SLC71A2: variants seen among roughly 807,000 people sequenced by gnomAD.
SLC71A2 encodes solute carrier family 71 member 2.
At chr9:94,386,200 T>C in the SLC71A2 span, among the ~76,000 whole-genome samples, 1 of 151,784 alleles carries the variant, frequency 6.6e-6, no homozygotes, top group African/African-American at 2.4e-5. Context: ...TTTAGGTATT[T>C]TTTTTTCTTT....
At chr9:94,454,524 G>A in the SLC71A2 span, among the ~76,000 whole-genome samples, 3 of 146,258 alleles carry the variant, frequency 2.1e-5, no homozygotes, top group East Asian at 2.0e-4. Context: ...TTCACCACAC[G>A]CCCGGCTAAT....
chr9:94,425,341 A>C, the SLC71A2 span, among the ~76,000 whole-genome samples: 51 of 152,248 alleles, frequency 3.3e-4, 1 homozygote, highest in African/African-American at 1.2e-3. Flanking sequence ...GTTCTTTCCC[A>C]ATTATTCTGT....
the SLC71A2 span, among the ~76,000 whole-genome samples, chr9:94,386,817 T>C: frequency 6.6e-6 from 1 of 152,238 alleles, no homozygotes; most frequent in Non-Finnish European, 1.5e-5. Flanking sequence ...GTGTCTTGGT[T>C]GTATAAAGCA....
At chr9:94,455,169 T>TTTTTTTTG in the SLC71A2 span, among the ~76,000 whole-genome samples, 1 of 100,790 alleles carries the variant, frequency 9.9e-6, no homozygotes, top group Non-Finnish European at 1.9e-5. Context: ...TTTTTTTTTT[T>TTTTTTTTG]TTTTTTTTTT....
chr9:94,439,022 G>GTTT, the SLC71A2 span, among the ~76,000 whole-genome samples: 10 of 115,684 alleles, frequency 8.6e-5, no homozygotes, highest in African/African-American at 2.3e-4. Flanking sequence ...ATTTGAGTTC[G>GTTT]TTTTTTTTTT....
chr9:94,380,258 G>A, the SLC71A2 span, among the ~76,000 whole-genome samples: 5 of 151,746 alleles, frequency 3.3e-5, no homozygotes, highest in Non-Finnish European at 5.9e-5. Flanking sequence ...GCGACAGAGC[G>A]AGACTCTTTC....
the SLC71A2 span, among the ~76,000 whole-genome samples, chr9:94,402,416 A>AT: frequency 1.3e-5 from 2 of 152,106 alleles, no homozygotes; most frequent in African/African-American, 4.8e-5. Context: ...TTTAATATAT[A>AT]TTCACGGTGA....
chr9:94,414,277 A>C, the SLC71A2 span, among the ~76,000 whole-genome samples: 2 of 152,208 alleles, frequency 1.3e-5, no homozygotes, highest in Non-Finnish European at 2.9e-5. Context: ...TGGAGGGGAC[A>C]GGGAAAACGA....
At chr9:94,450,242 A>AT in the SLC71A2 span, among the ~76,000 whole-genome samples, 39 of 152,310 alleles carry the variant, frequency 2.6e-4, no homozygotes, top group African/African-American at 8.4e-4. Context: ...AATAATATAT[A>AT]TTTACAAATA....
At chr9:94,457,812 A>C in the SLC71A2 span, among the ~76,000 whole-genome samples, 11 of 152,262 alleles carry the variant, frequency 7.2e-5, no homozygotes, top group African/African-American at 2.7e-4. Flanking sequence ...CATTCATTTC[A>C]TACAGTTCAA....
At chr9:94,445,396 G>GAA in the SLC71A2 span, among the ~76,000 whole-genome samples, 1 of 152,132 alleles carries the variant, frequency 6.6e-6, no homozygotes, top group African/African-American at 2.4e-5. Context: ...CGAAGAGAGA[G>GAA]AAAATGTCTA....
the SLC71A2 span, chr9:94,374,728 G>A: frequency 6.0e-6 from 1 of 168,038 alleles, no homozygotes; most frequent in Non-Finnish European, 1.2e-5. Flanking sequence ...GCCGCGGGCC[G>A]CAGAGCCCAT....
At chr9:94,420,357 G>C in the SLC71A2 span, among the ~76,000 whole-genome samples, 82 of 152,272 alleles carry the variant, frequency 5.4e-4, 1 homozygote, top group African/African-American at 1.8e-3. Context: ...GCTGGGATTG[G>C]GGGAGGGGCA....
the SLC71A2 span, chr9:94,458,500 TTATG>T: frequency 1.9e-6 from 3 of 1,593,554 alleles, no homozygotes; most frequent in African/African-American, 4.0e-5. Flanking sequence ...GTAACAACAA[TTATG>T]TATGATTATA....
chr9:94,441,758 C>T, the SLC71A2 span, among the ~76,000 whole-genome samples: 1,954 of 152,266 alleles, frequency 0.013, 37 homozygotes, highest in African/African-American at 0.045. Flanking sequence ...AAAAGGACTA[C>T]ATTCACTCAT....
the SLC71A2 span, among the ~76,000 whole-genome samples, chr9:94,380,334 T>G: frequency 2.0e-5 from 3 of 150,268 alleles, no homozygotes; most frequent in African/African-American, 7.4e-5. Context: ...TCCTCTTCCC[T>G]TCCTCCAGTT....
At chr9:94,443,307 A>G in the SLC71A2 span, among the ~76,000 whole-genome samples, 2 of 152,308 alleles carry the variant, frequency 1.3e-5, no homozygotes, top group African/African-American at 4.8e-5. Context: ...GAAGCAACTC[A>G]GCATGCAAGG....
chr9:94,456,776 G>GT, the SLC71A2 span, among the ~76,000 whole-genome samples: 1 of 152,092 alleles, frequency 6.6e-6, no homozygotes, highest in Admixed American at 6.5e-5. Flanking sequence ...TTTGAGAGTA[G>GT]TAAGAAAAAG....
At chr9:94,456,105 T>TAAA in the SLC71A2 span, 4 of 590,930 alleles carry the variant, frequency 6.8e-6, no homozygotes, top group Non-Finnish European at 1.1e-5. Flanking sequence ...AAAAATGCAT[T>TAAA]TTTAAAGAGG....
Sources: allele counts gnomAD v4.1 joint callset (sites outside exome capture counted in the v4.1 genomes callset), GRCh38; gene constraint gnomAD v4.1.1; transcripts MANE v1.5; gene names NCBI Gene and HGNC (gene_info 2026-07-23, HGNC 2026-07-21).